AFG1L: variants seen among roughly 807,000 people sequenced by gnomAD.
AFG1L encodes the protein AFG1 like ATPase.
AFG1L carries 53 observed loss-of-function variants against 62.2 expected under a neutral mutation model. The ratio of observed to expected loss-of-function variants is 0.85; its 90% confidence interval spans 0.68 to 1.07. AFG1L has a LOEUF of 1.07. Among genes scored for constraint, AFG1L ranks in the 50% least tolerant of loss-of-function variants. The probability of loss-of-function intolerance (pLI) is 0.00; values close to 1 mark genes in which losing one functional copy is unlikely to be tolerated. For synonymous variants in AFG1L, 228 were observed against 210.3 expected (o/e 1.08, Z -0.73); for missense variants, 555 against 590.5 (o/e 0.94, Z 0.62).
chr6:108,410,942 G>A (rs1782073392), intron 7 of AFG1L, among the ~76,000 whole-genome samples: 1 of 152,168 alleles, frequency 6.6e-6, no homozygotes, highest in South Asian at 2.1e-4. Context: ...GACAGTGGGT[G>A]CAGTCCTTGG....
chr6:108,328,887 G>T (rs560038804), intron 2 of AFG1L, among the ~76,000 whole-genome samples: 72 of 152,262 alleles, frequency 4.7e-4, no homozygotes, highest in African/African-American at 1.7e-3. Context: ...GGGCCAGCTA[G>T]TGAATAACCC....
At chr6:108,384,367 T>C (rs774005608) in intron 6 of AFG1L, among the ~76,000 whole-genome samples, 1 of 152,160 alleles carries the variant, frequency 6.6e-6, no homozygotes, top group Non-Finnish European at 1.5e-5. Flanking sequence ...TTCTGAACCA[T>C]GCATATGCAG....
chr6:108,410,300 G>C (rs1017286200), intron 7 of AFG1L, among the ~76,000 whole-genome samples: 2 of 149,540 alleles, frequency 1.3e-5, no homozygotes, highest in African/African-American at 5.1e-5. Flanking sequence ...GCGAGACTCT[G>C]TCTTCCAAAA....
intron 10 of AFG1L, among the ~76,000 whole-genome samples, chr6:108,498,207 T>C (rs1222969869): frequency 1.3e-5 from 2 of 152,212 alleles, no homozygotes; most frequent in African/African-American, 4.8e-5. Flanking sequence ...CTTCATTCTG[T>C]TGGCCGTGGT....
intron 7 of AFG1L, among the ~76,000 whole-genome samples, chr6:108,436,831 T>C (rs574436678): frequency 6.6e-6 from 1 of 152,156 alleles, no homozygotes; most frequent in South Asian, 2.1e-4. Context: ...CCTCATAGAG[T>C]GGTTGAAAGA....
At chr6:108,495,718 A>G (rs932934) in intron 10 of AFG1L, among the ~76,000 whole-genome samples, 58,098 of 152,150 alleles carry the variant, frequency 0.38, 11,545 homozygotes, top group Non-Finnish European at 0.45. Context: ...GTAATTAAGG[A>G]AAACAAATAC....
Position 108,519,161 on chromosome 6 carries a change from A to G in AFG1L, c.1204-536A>G, listed in dbSNP as rs116021566. ...GCTTTGTTGCCACCAGAGGGCACAAATGTTGTTCTCGCATGGTGGAAGGAA... is the reference window on the plus strand; with the variant it reads ...GCTTTGTTGCCACCAGAGGGCACAAGTGTTGTTCTCGCATGGTGGAAGGAA... On this transcript the variant is annotated intron_variant, in intron 11 of 12. Coordinates refer to ENST00000368977, the MANE Select transcript of AFG1L (RefSeq NM_145315.5). 3.8e-3 allele frequency among the ~76,000 whole-genome samples: 574 copies of G among 152,304 alleles called. 6 individuals carry two copies. Among genetic ancestry groups the G allele is most frequent in the African/African-American group, 0.013 (553 of 41,564 alleles).
chr6:108,400,667 T>G (rs1383582980), intron 6 of AFG1L, among the ~76,000 whole-genome samples: 4 of 107,202 alleles, frequency 3.7e-5, no homozygotes, highest in African/African-American at 7.2e-5. Context: ...TATATATAAT[T>G]TATATATTAT....
intron 6 of AFG1L, among the ~76,000 whole-genome samples, chr6:108,373,570 C>T (rs909378515): frequency 6.6e-6 from 1 of 150,734 alleles, no homozygotes; most frequent in Admixed American, 6.6e-5. Flanking sequence ...ATTGCTGGGT[C>T]AAATGGTAGT....
chr6:108,455,023 T>C (rs1562172249), intron 8 of AFG1L, among the ~76,000 whole-genome samples: 1 of 152,226 alleles, frequency 6.6e-6, no homozygotes. Flanking sequence ...AGGTTCTGAC[T>C]GTTGTCTGGC....
intron 6 of AFG1L, among the ~76,000 whole-genome samples, chr6:108,383,327 A>G (rs970361447): frequency 6.6e-6 from 1 of 152,182 alleles, no homozygotes; most frequent in African/African-American, 2.4e-5. Flanking sequence ...ATGTTTTAGG[A>G]ATTTTTTGTT....
At chr6:108,421,492 A>G (rs966572847) in intron 7 of AFG1L, among the ~76,000 whole-genome samples, 8 of 152,148 alleles carry the variant, frequency 5.3e-5, no homozygotes, top group Admixed American at 4.6e-4. Flanking sequence ...CTTAGCTTGA[A>G]TAAATTTTGA....
At chr6:108,436,233 C>T (rs1771301566) in intron 7 of AFG1L, among the ~76,000 whole-genome samples, 1 of 152,068 alleles carries the variant, frequency 6.6e-6, no homozygotes, top group African/African-American at 2.4e-5. Flanking sequence ...CAACATCTAC[C>T]TCCCGGGTTC....
At chr6:108,342,901 C>T (rs1487798325) in intron 2 of AFG1L, among the ~76,000 whole-genome samples, 1 of 151,924 alleles carries the variant, frequency 6.6e-6, no homozygotes, top group Non-Finnish European at 1.5e-5. Context: ...TTCTTTGGCA[C>T]AGCAGTATCT....
chr6:108,502,041 T>G (rs1774225254), intron 10 of AFG1L, among the ~76,000 whole-genome samples: 1 of 152,206 alleles, frequency 6.6e-6, no homozygotes, highest in African/African-American at 2.4e-5. Context: ...TGTTTCTTTT[T>G]ACCCAGACAG....
chr6:108,422,486 A>AAAAAAAAATAAAAAAT (rs1770641067), intron 7 of AFG1L, among the ~76,000 whole-genome samples: 1 of 146,884 alleles, frequency 6.8e-6, no homozygotes, highest in African/African-American at 2.5e-5. Flanking sequence ...GCAAAAAAAA[A>AAAAAAAAATAAAAAAT]AAAAAAAAAA....
chr6:108,454,910 A>T (rs1389477543), intron 8 of AFG1L, among the ~76,000 whole-genome samples: 2 of 152,118 alleles, frequency 1.3e-5, no homozygotes, highest in Non-Finnish European at 2.9e-5. Flanking sequence ...AAGTGCTGGG[A>T]TTACAGGAGT....
intron 7 of AFG1L, among the ~76,000 whole-genome samples, chr6:108,440,820 C>A (rs868047075): frequency 3.8e-4 from 56 of 147,658 alleles, no homozygotes; most frequent in South Asian, 8.7e-4. Flanking sequence ...GACTCCATCT[C>A]AAAAAAAGAA....
In AFG1L at chr6:108,503,943, C is replaced by T. The variant is rs141599806; in HGVS notation, c.1063-6269C>T. 7.2e-5 allele frequency among the ~76,000 whole-genome samples: 11 copies of T among 152,322 alleles called. 1 individual carries two copies. The highest frequency in any genetic ancestry group is 4.1e-4 in the South Asian group (2 of 4,826). On this transcript the variant is annotated intron_variant, in intron 10 of 12. Coordinates refer to ENST00000368977, the MANE Select transcript of AFG1L (RefSeq NM_145315.5). ...TCATGAACCAACCTCTGCTGGTTTC[C>T]GATTTTTCTTCTGCAGCTTCCTCAC...
Sources: allele counts gnomAD v4.1 joint callset (sites outside exome capture counted in the v4.1 genomes callset), GRCh38; gene constraint gnomAD v4.1.1; transcripts MANE v1.5; gene names NCBI Gene and HGNC (gene_info 2026-07-23, HGNC 2026-07-21).